FDFT1: variants seen among roughly 807,000 people sequenced by gnomAD.
The protein encoded by FDFT1 is squalene synthase.
A neutral mutation model predicts 46.8 loss-of-function variants in FDFT1; 68 were observed. The ratio of observed to expected loss-of-function variants is 1.45; its 90% CI spans 1.19 to 1.78. The LOEUF is 1.78. Ranked by LOEUF, FDFT1 falls within the 40% of genes most tolerant of loss-of-function variation. The probability of loss-of-function intolerance (pLI) is 0.00; values close to 1 mark genes in which losing one functional copy is unlikely to be tolerated. For missense variants in FDFT1, 928 were observed against 524.4 expected (o/e 1.77, Z -7.52); for synonymous variants, 351 against 185.1 (o/e 1.90, Z -7.28).
rs368861156 is a variant in FDFT1, at chr8:11,803,014, C to A, written c.99+83C>A. 4.6e-6 allele frequency: 7 copies of A among 1,522,856 alleles called. No homozygotes were observed. In the Admixed American group the frequency reaches 6.3e-5, roughly 14 times the overall value. The allele number at this position is 1,522,856 out of a possible 1,614,324, so 94.3% of individuals were successfully genotyped here. On this transcript the variant is annotated intron_variant, in intron 1 of 7. Transcript: ENST00000220584. ...AGGGCCTGAGCGGCCGGGCCCGGAT[C>A]TGGGGCAAGGGGCGCGGCGAGCAGG...
intron 1 of FDFT1, 86 bp downstream of exon 1, chr8:11,803,017 G>C (rs2130663087): frequency 1.3e-6 from 2 of 1,514,742 alleles, no homozygotes; most frequent in Middle Eastern, 2.3e-4. Flanking sequence ...CCCGGATCTG[G>C]GGCAAGGGGC....
rs139596611 is a variant in FDFT1 at position 11,814,844 on chromosome 8, T to C, written c.381+4994T>C. Among the ~76,000 whole-genome samples, 752 of 152,206 alleles carry C rather than the reference T, an allele frequency of 4.9e-3. 4 individuals are homozygous for C. Among genetic ancestry groups the C allele is most frequent in the African/African-American group, 0.013 (522 of 41,544 alleles). On this transcript the variant is annotated intron_variant, in intron 3 of 7. Transcript: ENST00000220584. ...CAGATCTGCTCACTAGAATCTAAGC[T>C]CTTCAAGGGTCTGAGTTTTTTTTTT...
chr8:11,824,565 C>T (rs1045524107), intron 4 of FDFT1, among the ~76,000 whole-genome samples: 1 of 151,880 alleles, frequency 6.6e-6, no homozygotes, highest in Non-Finnish European at 1.5e-5. Context: ...GTAACTGGGA[C>T]CACTGGCCTG....
intron 2 of FDFT1, chr8:11,809,223 A>G: frequency 8.5e-7 from 1 of 1,175,498 alleles, no homozygotes; most frequent in East Asian, 5.0e-5. Flanking sequence ...TATTTCTAGC[A>G]TATTGGGTTG....
rs1320445787 is a variant in FDFT1, at chr8:11,811,529, C to T, written c.381+1679C>T. On this transcript the variant is annotated intron_variant, in intron 3 of 7. Transcript: ENST00000220584. ...ATGCTAACATAATTTTGGGGAATAT[C>T]GCCGTCAGATTTCCAGATGATATTC... Among the ~76,000 whole-genome samples the T allele has an allele frequency of 2.0e-5, 3 of 152,170 alleles. No individual in the cohort carries two copies. The East Asian group carries it at 5.8e-4, about 29-fold the overall frequency.
At chr8:11,825,640 T>A (rs1363685989) in intron 4 of FDFT1, among the ~76,000 whole-genome samples, 1 of 150,326 alleles carries the variant, frequency 6.7e-6, no homozygotes, top group Non-Finnish European at 1.5e-5. Context: ...ATTGCTTGGG[T>A]CCAGTAGTTT....
At chr8:11,830,117 A>G in intron 5 of FDFT1, 127 bp from the exon 6 acceptor site, 1 of 772,860 alleles carries the variant, frequency 1.3e-6, no homozygotes, top group Non-Finnish European at 2.2e-6. Context: ...AAGTGCTGGG[A>G]TTACAGGCGT....
intron 1 of FDFT1, chr8:11,807,981 A>T: frequency 6.6e-6 from 1 of 152,566 alleles, no homozygotes; most frequent in Non-Finnish European, 1.5e-5. Flanking sequence ...TGGATGGAAA[A>T]TTATTACGAG....
At chr8:11,810,933 T>TAAAAAA (rs71539744) in intron 3 of FDFT1, among the ~76,000 whole-genome samples, 3 of 89,418 alleles carry the variant, frequency 3.4e-5, no homozygotes, top group East Asian at 3.1e-4. Context: ...GAGCAATATT[T>TAAAAAA]AAAAAAAAAA....
chr8:11,807,572 G>A (rs1225955920), intron 1 of FDFT1, among the ~76,000 whole-genome samples: 28 of 130,928 alleles, frequency 2.1e-4, no homozygotes. Flanking sequence ...CTCCCTGTGG[G>A]CCTAAAACTG....
intron 6 of FDFT1, among the ~76,000 whole-genome samples, chr8:11,830,746 G>C (rs1292817756): frequency 6.6e-6 from 1 of 152,148 alleles, no homozygotes; most frequent in East Asian, 1.9e-4. Context: ...TAAAACCTGG[G>C]TGAAGCTGTT....
At chr8:11,799,904 C>CAG (rs1364637296), upstream of FDFT1, among the ~76,000 whole-genome samples, 10 of 145,622 alleles carry the variant, frequency 6.9e-5, no homozygotes, top group East Asian at 1.6e-3. Context: ...CAAGATCGCG[C>CAG]CACTGCACTC....
intron 2 of FDFT1, chr8:11,809,225 A>G: frequency 8.6e-7 from 1 of 1,168,244 alleles, no homozygotes; most frequent in Non-Finnish European, 1.1e-6. Flanking sequence ...TTTCTAGCAT[A>G]TTGGGTTGAT....
chr8:11,806,148 T>C (rs1366361245), intron 1 of FDFT1, among the ~76,000 whole-genome samples: 4 of 151,936 alleles, frequency 2.6e-5, no homozygotes, highest in African/African-American at 9.7e-5. Context: ...TTCCTGGGAG[T>C]CTGGTCTTGT....
At chr8:11,797,638 CAAAAA>C (rs34350077), upstream of FDFT1, among the ~76,000 whole-genome samples, 18 of 75,518 alleles carry the variant, frequency 2.4e-4, no homozygotes, top group South Asian at 6.6e-4. Context: ...CACACACACT[CAAAAA>C]AAAAAAAAAA....
At chr8:11,803,212 A>G (rs962131417) in intron 1 of FDFT1, 19 of 1,406,548 alleles carry the variant, frequency 1.4e-5, no homozygotes, top group African/African-American at 4.3e-5. Flanking sequence ...CTCCGTGAGC[A>G]TCGGCGCTTA....
chr8:11,803,378 C>T lies in FDFT1; in HGVS notation c.99+447C>T, dbSNP rs113504791. The stretch of plus-strand genomic sequence containing the variant: ...AAGTCTGACTCCTCCAGTTTCACCA[C>T]CTCTTCCGGAGCTCTCCCCGCCTTG... On this transcript the variant is annotated intron_variant, in intron 1 of 7. Transcript: ENST00000220584. The T allele has an allele frequency of 3.9e-6, 5 of 1,289,870 alleles. No individual in the cohort carries two copies. The South Asian group carries it at 4.9e-5, about 13-fold the overall frequency. 79.9% of individuals were successfully genotyped at this position (1,289,870 alleles called of 1,614,324 possible).
intron 1 of FDFT1, chr8:11,803,156 G>A: frequency 7.0e-7 from 1 of 1,423,700 alleles, no homozygotes; most frequent in Non-Finnish European, 9.2e-7. Context: ...CTGGGCATGA[G>A]CGACTTTTGC....
Position 11,831,583 on chromosome 8 carries a change from G to A in FDFT1, c.945G>A (p.Lys315=). The change falls in exon 7 of 8, where the codon AAG becomes AAA. Residue 315 remains lysine (K), a synonymous_variant. Transcript: ENST00000220584. ...NNQQVFKGAV[K]IRKGQAVTLM... is the part of the protein sequence containing the mutation. ...AGCAGGTGTTCAAAGGGGCAGTGAA[G>A]ATTCGGAAAGGGCAAGCAGTGACCC... 1.9e-6 allele frequency: 3 copies of A among 1,614,130 alleles called. No individual in the cohort carries two copies. Among genetic ancestry groups the A allele is most frequent in the Non-Finnish European group, 1.7e-6 (2 of 1,179,954 alleles).
Sources: allele counts gnomAD v4.1 joint callset (sites outside exome capture counted in the v4.1 genomes callset), GRCh38; gene constraint gnomAD v4.1.1; transcripts MANE v1.5; gene names NCBI Gene and HGNC (gene_info 2026-07-23, HGNC 2026-07-21).